Variants in ANKRD12 observed in about 807,000 individuals in gnomAD.
ANKRD12 encodes the protein ankyrin repeat domain-containing protein 12.
ANKRD12 carries 85 observed loss-of-function variants against 183.4 expected under a neutral mutation model. The ratio of observed to expected loss-of-function variants is 0.46; its 90% CI spans 0.39 to 0.56. The LOEUF is 0.56. ANKRD12 is among the 20% of genes least tolerant of loss of function. The pLI, the probability that ANKRD12 is intolerant of heterozygous loss-of-function variation, is 0.00. For synonymous variants in ANKRD12, 914 were observed against 800.2 expected, an observed-to-expected ratio of 1.14 and a Z score of -2.40; for missense variants, 2,405 against 2,357.1, an observed-to-expected ratio of 1.02 and a Z score of -0.42.
At chr18:9,237,983 C>G (rs778533008) in intron 8 of ANKRD12, among the ~76,000 whole-genome samples, 6 of 152,196 alleles carry the variant, frequency 3.9e-5, no homozygotes, top group Non-Finnish European at 8.8e-5. Context: ...TGTAGACTGA[C>G]TCCTCCATGG....
At chr18:9,180,597 G>A (rs2033630961) in intron 1 of ANKRD12, among the ~76,000 whole-genome samples, 1 of 151,410 alleles carries the variant, frequency 6.6e-6, no homozygotes, top group African/African-American at 2.4e-5. Flanking sequence ...GTTACTTTTT[G>A]TATAGTTATT....
chr18:9,198,163 CTG>C (rs1395379389), intron 3 of ANKRD12, among the ~76,000 whole-genome samples: 3 of 151,852 alleles, frequency 2.0e-5, no homozygotes, highest in East Asian at 3.9e-4. Context: ...TTAGCTGAAA[CTG>C]TGAAGATAAA....
chr18:9,186,137 A>ATTT (rs11310603), intron 2 of ANKRD12, among the ~76,000 whole-genome samples: 36 of 126,744 alleles, frequency 2.8e-4, no homozygotes, highest in Non-Finnish European at 3.2e-4. Flanking sequence ...TAAAAGTGTG[A>ATTT]TTTTTTTTTT....
At chr18:9,169,657 T>C (rs2032481451) in intron 1 of ANKRD12, among the ~76,000 whole-genome samples, 1 of 152,250 alleles carries the variant, frequency 6.6e-6, no homozygotes, top group Non-Finnish European at 1.5e-5. Context: ...AGGTCTTGAC[T>C]CTTTATCCAA....
intron 9 of ANKRD12, among the ~76,000 whole-genome samples, chr18:9,263,403 T>TC (rs1167366268): frequency 1.3e-5 from 2 of 152,146 alleles, no homozygotes; most frequent in African/African-American, 4.8e-5. Context: ...GACCTCACTA[T>TC]ATAGATACCA....
chr18:9,180,367 C>CT (rs2033616495), intron 1 of ANKRD12, among the ~76,000 whole-genome samples: 1 of 151,986 alleles, frequency 6.6e-6, no homozygotes, highest in Non-Finnish European at 1.5e-5. Flanking sequence ...TTGAAGCAAA[C>CT]TTCTTGTTGG....
At chr18:9,261,197 C>G (rs2038944750) in intron 9 of ANKRD12, among the ~76,000 whole-genome samples, 1 of 152,208 alleles carries the variant, frequency 6.6e-6, no homozygotes, top group South Asian at 2.1e-4. Flanking sequence ...AGCTGTCAGA[C>G]CTTTCATGGT....
At chr18:9,140,796 A>G (rs1393647476) in intron 1 of ANKRD12, among the ~76,000 whole-genome samples, 1 of 152,184 alleles carries the variant, frequency 6.6e-6, no homozygotes, top group Non-Finnish European at 1.5e-5. Context: ...TATTACATAG[A>G]TTATCGGAGT....
chr18:9,282,412 T>C lies in ANKRD12; in HGVS notation c.*1286T>C, dbSNP rs1407148792. ...AAGATGCAAAACATAATTTGCAAAATTTTATAATTGAAATAAAACTTGGTA... is the reference window on the plus strand; with the variant it reads ...AAGATGCAAAACATAATTTGCAAAACTTTATAATTGAAATAAAACTTGGTA... On this transcript the variant is annotated 3_prime_UTR_variant, in exon 13 of 13. Transcript: ENST00000262126. 2 of 152,598 alleles carry C rather than the reference T, an allele frequency of 1.3e-5. No homozygotes were observed. Among genetic ancestry groups the C allele is most frequent in the African/African-American group, 4.8e-5 (2 of 41,462 alleles). The allele number at this position is 152,598 out of a possible 1,614,324, so 9.5% of individuals were successfully genotyped here. A position where few individuals can be genotyped will look rare whatever the true frequency, so the allele number is the denominator to read the frequency against.
rs2040171428 is a variant in ANKRD12 at position 9,283,762 on chromosome 18, A to G, written c.*2636A>G. 1.3e-5 allele frequency: 2 copies of G among 152,610 alleles called. No individual in the cohort carries two copies. The highest frequency in any genetic ancestry group is 1.3e-4 in the Admixed American group (2 of 15,282). 9.5% of individuals were successfully genotyped at this position (152,610 alleles called of 1,614,324 possible). ...AATAAAGAGTTATATTTTTATAGAA[A>G]AAAAGAGTGAAATGTGTGCTAACTG... On this transcript the variant is annotated 3_prime_UTR_variant, in exon 13 of 13. Transcript: ENST00000262126.
intron 3 of ANKRD12, chr18:9,200,533 A>G (rs546674527): frequency 2.0e-5 from 3 of 152,304 alleles, no homozygotes; most frequent in South Asian, 2.1e-4. Context: ...GATAAATTTT[A>G]TAGTTGTAAC....
Position 9,254,359 on chromosome 18 carries a change from A to AGAT in ANKRD12, c.1104_1106dup (p.Asp368dup), listed in dbSNP as rs759105514. On this transcript the variant is annotated inframe_insertion, in exon 9 of 13. Coordinates refer to ENST00000262126, the MANE Select transcript of ANKRD12 (RefSeq NM_015208.5). ...CTGCCCTTGATGAGTATGAGTTCAA[A>AGAT]GATGATGATGATGAAGAAATTAATA... 9.9e-6 allele frequency: 16 copies of AGAT among 1,611,648 alleles called. No individual in the cohort carries two copies. The highest frequency in any genetic ancestry group is 8.4e-5 in the Admixed American group (5 of 59,680).
chr18:9,277,366 C>T (rs1232120200), intron 11 of ANKRD12, among the ~76,000 whole-genome samples: 8 of 136,050 alleles, frequency 5.9e-5, no homozygotes, highest in Admixed American at 2.4e-4. Flanking sequence ...CTGGCTCTGT[C>T]GCCCAGGCTG....
intron 8 of ANKRD12, among the ~76,000 whole-genome samples, chr18:9,241,674 A>G (rs1293472095): frequency 3.3e-5 from 5 of 152,164 alleles, no homozygotes. Context: ...TTTAATGAAC[A>G]CTTCAAGTGT....
intron 2 of ANKRD12, 70 bp from the exon 3 acceptor site, chr18:9,195,481 C>T: frequency 8.5e-7 from 1 of 1,173,628 alleles, no homozygotes; most frequent in Non-Finnish European, 1.1e-6. Context: ...TGAAATTTTC[C>T]TTAGGGGTTT....
intron 11 of ANKRD12, among the ~76,000 whole-genome samples, chr18:9,278,735 T>G (rs2039970066): frequency 6.6e-6 from 1 of 151,870 alleles, no homozygotes; most frequent in Non-Finnish European, 1.5e-5. Context: ...AGGTGGAGAT[T>G]GCAGAGAGTC....
intron 1 of ANKRD12, among the ~76,000 whole-genome samples, chr18:9,157,846 A>G (rs542147339): frequency 3.0e-4 from 46 of 152,238 alleles, no homozygotes; most frequent in African/African-American, 1.1e-3. Context: ...GATATTAACA[A>G]AAATTCTGAA....
chr18:9,270,925 G>C (rs546143009), intron 10 of ANKRD12, among the ~76,000 whole-genome samples: 1 of 152,132 alleles, frequency 6.6e-6, no homozygotes, highest in Admixed American at 6.5e-5. Flanking sequence ...CAACTTTACC[G>C]TGTGGTGGCT....
At chr18:9,225,621 A>G (rs912365577) in intron 8 of ANKRD12, among the ~76,000 whole-genome samples, 3 of 152,208 alleles carry the variant, frequency 2.0e-5, no homozygotes, top group Non-Finnish European at 4.4e-5. Context: ...CGTCATCACC[A>G]GAACCACCTT....
Sources: allele counts gnomAD v4.1 joint callset (sites outside exome capture counted in the v4.1 genomes callset), GRCh38; gene constraint gnomAD v4.1.1; transcripts MANE v1.5; gene names NCBI Gene and HGNC (gene_info 2026-07-23, HGNC 2026-07-21).